Variants in DDX50 observed in about 807,000 individuals in gnomAD.
DDX50 encodes the protein DExD-box helicase 50.
Under a neutral mutation model 94.8 loss-of-function variants are expected in DDX50, and 56 were observed. That is an observed-to-expected ratio of 0.59 (90% CI 0.48 to 0.74). DDX50 has a LOEUF of 0.74. Ranked by LOEUF, DDX50 falls within the 30% of genes least tolerant of loss-of-function variation. The pLI is 0.00. For missense variants in DDX50, 713 were observed against 881.2 expected (o/e 0.81, Z 2.42); for synonymous variants, 264 against 295.4 (o/e 0.89, Z 1.09).
At chr10:68,926,995 C>T (rs1842111065) in intron 8 of DDX50, among the ~76,000 whole-genome samples, 2 of 152,090 alleles carry the variant, frequency 1.3e-5, no homozygotes, top group Admixed American at 1.3e-4. Flanking sequence ...TCACTGCAGC[C>T]TCAGTCTCCC....
chr10:68,919,417 GTCCCAGTCAGTA>G (rs894170431), intron 7 of DDX50, among the ~76,000 whole-genome samples: 65 of 152,092 alleles, frequency 4.3e-4, no homozygotes, highest in African/African-American at 1.3e-3. Flanking sequence ...CTCATGCCCC[GTCCCAGTCAGTA>G]TCCCCAGTTC....
rs554724270 is a variant in DDX50 at position 68,937,467 on chromosome 10, A to G, written c.1755+372A>G. Among the ~76,000 whole-genome samples, 3 of 152,284 alleles carry G rather than the reference A, an allele frequency of 2.0e-5. No individual in the cohort carries two copies. In the South Asian group the frequency reaches 6.2e-4, roughly 32 times the overall value. On this transcript the variant is annotated intron_variant, in intron 12 of 14. Transcript: ENST00000373585. The stretch of plus-strand genomic sequence containing the variant: ...TGTGGTGATGTTTCAGTACATCCGT[A>G]CATACCATGTATAGGTATCAGATCA...
intron 6 of DDX50, 61 bp downstream of exon 6, chr10:68,913,637 GT>G: frequency 6.7e-7 from 1 of 1,490,052 alleles, no homozygotes; most frequent in Non-Finnish European, 9.0e-7. Context: ...ATGCAAACGA[GT>G]TTTTATTTAA....
chr10:68,918,428 C>CTTTTTTT (rs34777951), intron 7 of DDX50, among the ~76,000 whole-genome samples: 2 of 57,088 alleles, frequency 3.5e-5, no homozygotes, highest in East Asian at 4.3e-4. Context: ...CCATTCCCTC[C>CTTTTTTT]TTTTTTTTTT....
At chr10:68,903,795 C>T (rs1262383518) in intron 1 of DDX50, among the ~76,000 whole-genome samples, 1 of 150,668 alleles carries the variant, frequency 6.6e-6, no homozygotes, top group Admixed American at 6.6e-5. Flanking sequence ...AGCGAGACTC[C>T]ATTTAAAAAA....
intron 2 of DDX50, among the ~76,000 whole-genome samples, 174 bp from the exon 3 acceptor site, chr10:68,910,133 G>C (rs548502720): frequency 2.0e-5 from 3 of 152,016 alleles, no homozygotes; most frequent in Admixed American, 2.0e-4. Context: ...GCCACAGTGA[G>C]CTGTGATGGT....
intron 14 of DDX50, among the ~76,000 whole-genome samples, chr10:68,944,991 C>T (rs1451045506): frequency 6.6e-6 from 1 of 152,160 alleles, no homozygotes; most frequent in Non-Finnish European, 1.5e-5. Flanking sequence ...TTTTTAATGA[C>T]TCCCAGGCAT....
intron 1 of DDX50, 113 bp downstream of exon 1, chr10:68,901,584 C>T (rs2132015233): frequency 8.8e-7 from 1 of 1,139,148 alleles, no homozygotes; most frequent in Non-Finnish European, 1.2e-6. Context: ...ATCCGAGGGC[C>T]TCCCTTCGCG....
intron 7 of DDX50, among the ~76,000 whole-genome samples, chr10:68,915,135 C>T (rs546570329): frequency 2.7e-5 from 4 of 148,542 alleles, no homozygotes; most frequent in South Asian, 4.3e-4. Flanking sequence ...GAATTAGGGC[C>T]GGGCGTGGTG....
At chr10:68,903,620 G>A (rs545144881) in intron 1 of DDX50, among the ~76,000 whole-genome samples, 210 of 152,208 alleles carry the variant, frequency 1.4e-3, no homozygotes, top group Non-Finnish European at 2.4e-3. Context: ...GGCCAACATG[G>A]TGAAACTCCG....
At chr10:68,945,884 A>G (rs913588441) in intron 14 of DDX50, among the ~76,000 whole-genome samples, 14 of 152,246 alleles carry the variant, frequency 9.2e-5, no homozygotes, top group Admixed American at 9.2e-4. Flanking sequence ...TGAGATACCA[A>G]ATAGTGCTGT....
chr10:68,910,513 C>G (rs1564601636), intron 3 of DDX50, 131 bp downstream of exon 3: 1 of 622,484 alleles, frequency 1.6e-6, no homozygotes, highest in East Asian at 3.2e-5. Flanking sequence ...AGCGATTCTC[C>G]TACCTCAGCC....
intron 8 of DDX50, among the ~76,000 whole-genome samples, chr10:68,929,300 T>TTCCTTCCTTCCTTCCTTCCTTC (rs1564612627): frequency 1.1e-5 from 1 of 89,806 alleles, no homozygotes. Context: ...TTCCTCTCTC[T>TTCCTTCCTTCCTTCCTTCCTTC]CTCTCTCTCT....
At chr10:68,939,013 A>G (rs1436429290) in intron 12 of DDX50, among the ~76,000 whole-genome samples, 1 of 152,224 alleles carries the variant, frequency 6.6e-6, no homozygotes, top group Non-Finnish European at 1.5e-5. Context: ...AACTGAAAGT[A>G]ATATCAAAGC....
chr10:68,945,675 T>C (rs1238697456), intron 14 of DDX50, among the ~76,000 whole-genome samples: 2 of 152,218 alleles, frequency 1.3e-5, no homozygotes, highest in Non-Finnish European at 2.9e-5. Flanking sequence ...TATAAAATAG[T>C]GATGCTCTTA....
Position 68,937,000 on chromosome 10 carries a change from G to A in DDX50, c.1660G>A (p.Glu554Lys), listed in dbSNP as rs747443842. 1 of 1,612,258 alleles carries A rather than the reference G, an allele frequency of 6.2e-7. No homozygotes were observed. Among genetic ancestry groups the A allele is most frequent in the South Asian group, 1.1e-5 (1 of 90,970 alleles). Residue 554 changes from glutamate (E) to lysine (K), a missense_variant, in exon 12 of 15, where the codon GAA (glutamate) becomes AAA (lysine). Glu to Lys is a moderately conservative substitution (Grantham distance 56). Transcript: ENST00000373585. ...CCGACCATCAGCTCAGAGACTGATA[G>A]AAGAGAAAGGTGCAGTGGATGCATT... is the stretch of plus-strand genomic sequence containing the variant. The part of the protein sequence containing the change: ...FFRPSAQRLI[E>K]EKGAVDALAA...
rs199531460 is a variant in DDX50, at chr10:68,942,722, TC to T, written c.1891-488del. Among the ~76,000 whole-genome samples the T allele has an allele frequency of 3.2e-3, 487 of 152,092 alleles. 19 individuals are homozygous for T. The East Asian group carries it at 0.083, about 26-fold the overall frequency. Reference sequence around the variant, plus strand: ...TCCGCCTCCCAGGCCCAAGCGATCCTCCCACCTCAGCCTCCTGAGTAGCTGG... The same window carrying T: ...TCCGCCTCCCAGGCCCAAGCGATCCTCCACCTCAGCCTCCTGAGTAGCTGG... On this transcript the variant is annotated intron_variant, in intron 13 of 14. Transcript: ENST00000373585.
chr10:68,916,471 CAT>C (rs1380358991), intron 7 of DDX50, among the ~76,000 whole-genome samples: 3 of 150,984 alleles, frequency 2.0e-5, no homozygotes, highest in East Asian at 1.9e-4. Flanking sequence ...CATTTTCAAA[CAT>C]ATAAAATTGA....
intron 12 of DDX50, among the ~76,000 whole-genome samples, chr10:68,938,280 T>A (rs1256007836): frequency 6.6e-6 from 1 of 152,210 alleles, no homozygotes; most frequent in African/African-American, 2.4e-5. Context: ...CCTGTGTGTG[T>A]GTGGAGGGGT....
Sources: allele counts gnomAD v4.1 joint callset (sites outside exome capture counted in the v4.1 genomes callset), GRCh38; gene constraint gnomAD v4.1.1; transcripts MANE v1.5; gene names NCBI Gene and HGNC (gene_info 2026-07-23, HGNC 2026-07-21).